The following SNTG1 variants were observed in gnomAD, a reference collection of about 807,000 sequenced individuals.
The protein encoded by SNTG1 is syntrophin gamma 1, also known as gamma-1-syntrophin.
A neutral mutation model predicts 74.7 loss-of-function variants in SNTG1; 39 were observed. That is an observed-to-expected ratio of 0.52 (90% CI 0.40 to 0.68). The LOEUF is 0.68. SNTG1 is among the 30% of genes least tolerant of loss of function. The pLI is 0.00. For synonymous variants in SNTG1, 254 were observed against 217.1 expected (o/e 1.17, Z -1.49); for missense variants, 685 against 609.5 (o/e 1.12, Z -1.30).
chr8:50,546,257 CAT>C (rs1332776407), intron 11 of SNTG1, among the ~76,000 whole-genome samples: 5 of 151,576 alleles, frequency 3.3e-5, no homozygotes, highest in African/African-American at 1.2e-4. Flanking sequence ...TAAGAAGAAA[CAT>C]ATTGACAGTA....
chr8:50,410,213 C>T (rs1245474764), intron 4 of SNTG1, among the ~76,000 whole-genome samples: 3 of 152,086 alleles, frequency 2.0e-5, no homozygotes, highest in African/African-American at 7.2e-5. Context: ...GACTAGTGCA[C>T]CTATTATGGA....
At chr8:49,977,786 C>T (rs946105909) in intron 1 of SNTG1, among the ~76,000 whole-genome samples, 5 of 152,192 alleles carry the variant, frequency 3.3e-5, no homozygotes, top group East Asian at 1.9e-4. Flanking sequence ...GATGGAAAGG[C>T]GAAGGCTTCA....
intron 2 of SNTG1, among the ~76,000 whole-genome samples, chr8:50,351,868 A>G (rs2091672303): frequency 6.6e-6 from 1 of 152,208 alleles, no homozygotes; most frequent in African/African-American, 2.4e-5. Flanking sequence ...GGGAAATAAA[A>G]CTGAATTTCT....
chr8:50,486,848 T>A (rs1013601124), intron 8 of SNTG1, among the ~76,000 whole-genome samples: 1 of 151,878 alleles, frequency 6.6e-6, no homozygotes, highest in Non-Finnish European at 1.5e-5. Context: ...TTATTGAGAG[T>A]TTTTAGCATG....
At chr8:50,250,876 T>C (rs2086617458) in intron 2 of SNTG1, among the ~76,000 whole-genome samples, 1 of 152,018 alleles carries the variant, frequency 6.6e-6, no homozygotes, top group Non-Finnish European at 1.5e-5. Flanking sequence ...TAATAATTAA[T>C]ATTATGAAAA....
chr8:50,448,066 A>T (rs1344604953), intron 5 of SNTG1, among the ~76,000 whole-genome samples: 2 of 152,292 alleles, frequency 1.3e-5, no homozygotes, highest in Admixed American at 1.3e-4. Context: ...GTCATCTTAG[A>T]CACAGTCTGT....
At chr8:50,666,727 A>T (rs904913747) in intron 15 of SNTG1, among the ~76,000 whole-genome samples, 1 of 152,100 alleles carries the variant, frequency 6.6e-6, no homozygotes, top group Non-Finnish European at 1.5e-5. Flanking sequence ...ATTCTAAGAC[A>T]GTGCTAAAAC....
chr8:50,331,457 G>A (rs2090965161), intron 2 of SNTG1, among the ~76,000 whole-genome samples: 1 of 152,192 alleles, frequency 6.6e-6, no homozygotes, highest in Non-Finnish European at 1.5e-5. Flanking sequence ...GGAAATTTAA[G>A]GAGAGCTAGC....
chr8:50,594,086 A>G (rs1169053501), intron 13 of SNTG1, among the ~76,000 whole-genome samples: 1 of 152,194 alleles, frequency 6.6e-6, no homozygotes, highest in South Asian at 2.1e-4. Context: ...TGTTGAAAAG[A>G]TGAAAGGCGG....
At chr8:50,263,404 T>C (rs138947856) in intron 2 of SNTG1, among the ~76,000 whole-genome samples, 202 of 152,026 alleles carry the variant, frequency 1.3e-3, no homozygotes, top group African/African-American at 4.8e-3. Flanking sequence ...TAAATATAAA[T>C]GGATTAAATA....
At chr8:50,129,369 C>A (rs528168037) in intron 1 of SNTG1, among the ~76,000 whole-genome samples, 2 of 152,186 alleles carry the variant, frequency 1.3e-5, no homozygotes, top group East Asian at 3.9e-4. Context: ...AGGTGGAATG[C>A]AGAAGGAGAG....
chr8:50,220,949 A>G lies in SNTG1; in HGVS notation c.-28+48314A>G, dbSNP rs368080300. ...CCATGAGTGAATTCACCTTACAGAA[A>G]CTCACACTGTGGCTGCAGATAGAAC... On this transcript the variant is annotated intron_variant, in intron 2 of 18. Coordinates refer to ENST00000642720, the MANE Select transcript of SNTG1 (RefSeq NM_018967.5). 1.7e-4 allele frequency among the ~76,000 whole-genome samples: 26 copies of G among 152,244 alleles called. 1 individual carries two copies. Among genetic ancestry groups the G allele is most frequent in the African/African-American group, 6.3e-4 (26 of 41,538 alleles).
chr8:50,094,995 T>C (rs1449325479), intron 1 of SNTG1, among the ~76,000 whole-genome samples: 1 of 152,172 alleles, frequency 6.6e-6, no homozygotes, highest in Non-Finnish European at 1.5e-5. Flanking sequence ...GAAGAAAATC[T>C]TGTCCTTTGC....
chr8:50,513,486 T>G (rs899175454), intron 9 of SNTG1, among the ~76,000 whole-genome samples: 14 of 152,210 alleles, frequency 9.2e-5, no homozygotes, highest in Non-Finnish European at 2.1e-4. Context: ...TCTGCTGCCT[T>G]TTGTTTGGCT....
intron 12 of SNTG1, 82 bp downstream of exon 12, chr8:50,553,261 A>G (rs111664997): frequency 6.5e-7 from 1 of 1,531,914 alleles, no homozygotes; most frequent in Middle Eastern, 1.9e-4. Flanking sequence ...CTTCACATCA[A>G]CTGTTTGGTG....
chr8:50,713,343 G>A (rs1192302522), intron 17 of SNTG1, among the ~76,000 whole-genome samples: 1 of 152,050 alleles, frequency 6.6e-6, no homozygotes, highest in Non-Finnish European at 1.5e-5. Context: ...ACTTTTTGAT[G>A]GGGTTGTTTG....
chr8:49,991,762 A>G (rs1404893536), intron 1 of SNTG1, among the ~76,000 whole-genome samples: 1 of 152,208 alleles, frequency 6.6e-6, no homozygotes, highest in Non-Finnish European at 1.5e-5. Flanking sequence ...AGGCAAATCC[A>G]TAGAGACAGA....
chr8:50,167,835 GA>G (rs202168386), intron 1 of SNTG1, among the ~76,000 whole-genome samples: 2 of 147,832 alleles, frequency 1.4e-5, no homozygotes, highest in African/African-American at 4.9e-5. Context: ...AAAAGGTAAA[GA>G]AAAAAAGAAA....
intron 12 of SNTG1, among the ~76,000 whole-genome samples, chr8:50,583,591 A>C (rs1026466240): frequency 2.6e-5 from 4 of 152,032 alleles, no homozygotes; most frequent in African/African-American, 9.7e-5. Context: ...AATGGAAGGA[A>C]ATAGGTCAAA....
Sources: gnomAD v4.1 joint callset for allele counts (sites outside exome capture counted in the v4.1 genomes callset) on GRCh38, gnomAD v4.1.1 for gene constraint, MANE v1.5 for transcripts, NCBI Gene and HGNC (gene_info 2026-07-23, HGNC 2026-07-21) for gene names.